The following PREX1 variants were observed in gnomAD, a reference collection of about 807,000 sequenced individuals.
PREX1 encodes the protein phosphatidylinositol-3,4,5-trisphosphate dependent Rac exchange factor 1.
In PREX1, 41 loss-of-function variants were observed where a neutral mutation model predicts 198.3. The ratio of observed to expected loss-of-function variants is 0.21; its 90% CI spans 0.16 to 0.27. The LOEUF is 0.27. PREX1 is among the 10% of genes least tolerant of loss of function. The probability of loss-of-function intolerance (pLI) is 1.00; values close to 1 mark genes in which losing one functional copy is unlikely to be tolerated. For synonymous variants in PREX1, 843 were observed against 887.2 expected, an observed-to-expected ratio of 0.95 and a Z score of 0.89; for missense variants, 1,620 against 2,200.7, an observed-to-expected ratio of 0.74 and a Z score of 5.28.
intron 13 of PREX1, among the ~76,000 whole-genome samples, chr20:48,678,340 G>A (rs1244457961): frequency 6.6e-6 from 1 of 151,950 alleles, no homozygotes; most frequent in Non-Finnish European, 1.5e-5. Context: ...GCATGGTGGT[G>A]CACGCCTGTA....
rs568388541 is a variant in PREX1, at chr20:48,813,330, T to C, written c.219+14312A>G. Among the ~76,000 whole-genome samples the C allele has an allele frequency of 4.9e-3, 746 of 152,236 alleles. 7 individuals carry two copies. Among genetic ancestry groups the C allele is most frequent in the African/African-American group, 0.017 (716 of 41,542 alleles). On this transcript the variant is annotated intron_variant, in intron 1 of 39. Coordinates refer to ENST00000371941, the MANE Select transcript of PREX1 (RefSeq NM_020820.4). Reference sequence around the variant, plus strand: ...AGCATGAGCACATCTCAGTGGAGACTCTCTACTGAGGACAATCAAAATCAC... The same window carrying C: ...AGCATGAGCACATCTCAGTGGAGACCCTCTACTGAGGACAATCAAAATCAC...
chr20:48,836,096 C>T, the PREX1 span, among the ~76,000 whole-genome samples: 26 of 152,142 alleles, frequency 1.7e-4, no homozygotes, highest in Non-Finnish European at 3.1e-4. Flanking sequence ...GCATTAACCA[C>T]GATGGGAAAG....
chr20:48,725,996 G>C (rs2090008183), intron 5 of PREX1, among the ~76,000 whole-genome samples: 2 of 152,154 alleles, frequency 1.3e-5, no homozygotes, highest in African/African-American at 4.8e-5. Context: ...AAGACAGAAT[G>C]AATCTCAGGA....
Position 48,827,931 on chromosome 20 carries a change from T to G in PREX1, c.-71A>C. 5 of 600,588 alleles carry G rather than the reference T, an allele frequency of 8.3e-6. No homozygotes were observed. The highest frequency in any genetic ancestry group is 2.1e-5 in the African/African-American group (1 of 48,164). 37.2% of individuals were successfully genotyped at this position (600,588 alleles called of 1,614,324 possible). A position where few individuals can be genotyped will look rare whatever the true frequency, so the allele number is the denominator to read the frequency against. ...GCAACTCAGGCGTCCAGGCGCCCCA[T>G]CCCGGACGGGGCGCGCCGGCGGGCC... On this transcript the variant is annotated 5_prime_UTR_variant, in exon 1 of 40. It removes an upstream start codon present in the reference 5' UTR. Transcript: ENST00000371941. This position sits in a 1 kb window ranked among gnomAD's most constrained non-coding sequence, Gnocchi z 4.1.
At chr20:48,663,607 C>T (rs2089612768) in intron 15 of PREX1, among the ~76,000 whole-genome samples, 1 of 152,246 alleles carries the variant, frequency 6.6e-6, no homozygotes, top group South Asian at 2.1e-4. Context: ...TGTTTACATA[C>T]TCTCTATAGC....
At chr20:48,698,494 G>A (rs945699044) in intron 7 of PREX1, among the ~76,000 whole-genome samples, 2 of 152,168 alleles carry the variant, frequency 1.3e-5, no homozygotes, top group Non-Finnish European at 2.9e-5. Context: ...GGACTCTGAG[G>A]ACAGCCCCAG....
intron 6 of PREX1, among the ~76,000 whole-genome samples, chr20:48,703,701 A>T (rs563415860): frequency 1.3e-5 from 2 of 152,218 alleles, no homozygotes; most frequent in African/African-American, 4.8e-5. Flanking sequence ...CCTGCTGCCA[A>T]GTCCGTCTCG....
intron 16 of PREX1, 45 bp downstream of exon 16, chr20:48,659,874 G>A: frequency 2.5e-6 from 4 of 1,611,720 alleles, no homozygotes; most frequent in Non-Finnish European, 3.4e-6. Flanking sequence ...CATGCCTGCA[G>A]GGGGCTCTGG....
Position 48,632,477 on chromosome 20 carries a change from C to T in PREX1, c.4411+19G>A, listed in dbSNP as rs1456220134. The T allele has an allele frequency of 3.7e-6, 6 of 1,613,836 alleles. No individual in the cohort carries two copies. The highest frequency in any genetic ancestry group is 5.1e-6 in the Non-Finnish European group (6 of 1,179,974). ...GGCCCGGCCCCCGTGGTCCTCCCTGCCCCAGGCCTGAAGCTCACCTTTCGT... is the reference window on the plus strand; with the variant it reads ...GGCCCGGCCCCCGTGGTCCTCCCTGTCCCAGGCCTGAAGCTCACCTTTCGT... On this transcript the variant is annotated intron_variant, in intron 34 of 39. Transcript: ENST00000371941.
chr20:48,664,927 C>CGGCCCAGACGGCCTGAATTCTAATCCT (rs1568812261), intron 15 of PREX1, among the ~76,000 whole-genome samples: 3 of 120,320 alleles, frequency 2.5e-5, no homozygotes, highest in Non-Finnish European at 3.8e-5. Context: ...ATTCTAATCC[C>CGGCCCAGACGGCCTGAATTCTAATCCT]GACTCCAGAC....
At chr20:48,734,796 C>T (rs946814115) in intron 3 of PREX1, 146 bp from the exon 4 acceptor site, 117 of 623,914 alleles carry the variant, frequency 1.9e-4, no homozygotes, top group Middle Eastern at 9.7e-4. Flanking sequence ...TCAGGTAAAG[C>T]GGCTCCACTC....
At chr20:48,687,434 C>A (rs2089791768) in intron 10 of PREX1, among the ~76,000 whole-genome samples, 2 of 152,182 alleles carry the variant, frequency 1.3e-5, no homozygotes, top group African/African-American at 4.8e-5. Context: ...ATGCTGTTGC[C>A]TTTCAAGTTA....
At chr20:48,707,106 A>G (rs1340734024) in intron 6 of PREX1, among the ~76,000 whole-genome samples, 1 of 152,238 alleles carries the variant, frequency 6.6e-6, no homozygotes, top group East Asian at 1.9e-4. Flanking sequence ...ACGCACAGGA[A>G]GCTGGCGCCC....
Position 48,681,259 on chromosome 20 carries a change from A to C in PREX1, c.1411T>G (p.Leu471Val). The C allele has an allele frequency of 6.2e-7, 1 of 1,614,146 alleles. No homozygotes were observed. The highest frequency in any genetic ancestry group is 8.5e-7 in the Non-Finnish European group (1 of 1,180,020). The part of the protein sequence containing the change: ...EEGVNLGQAL[L>V]ENGIIHHVSD... ...CCATGGTGGATGATGCCATTCTCCA[A>C]CAGGGCTTGGCCCAAGTTGACTCCT... is the stretch of plus-strand genomic sequence containing the variant. The change falls in exon 11 of 40, where the codon TTG (leucine) becomes GTG (valine). Residue 471 changes from leucine to valine, a missense_variant. This residue lies in a region of PREX1 where 488 missense variants were observed against 802.5 expected (regional missense o/e 0.61). Transcript: ENST00000371941.
intron 1 of PREX1, among the ~76,000 whole-genome samples, chr20:48,766,934 C>A (rs562315701): frequency 6.6e-6 from 1 of 152,162 alleles, no homozygotes; most frequent in African/African-American, 2.4e-5. Context: ...ATGAGGACTA[C>A]GAGAAATGCT....
intron 39 of PREX1, 35 bp from the exon 40 acceptor site, chr20:48,625,962 G>A (rs778305904): frequency 2.0e-5 from 30 of 1,518,882 alleles, no homozygotes; most frequent in Admixed American, 4.7e-5. Flanking sequence ...AGGAGAGGCC[G>A]GGGCGGGCCA....
intron 3 of PREX1, among the ~76,000 whole-genome samples, chr20:48,736,143 ACACAATACTT>A (rs528843945): frequency 7.5e-4 from 114 of 152,336 alleles, no homozygotes; most frequent in African/African-American, 2.4e-3. Context: ...GGTGTCTGGC[ACACAATACTT>A]CACAATACTT....
the PREX1 span, among the ~76,000 whole-genome samples, chr20:48,863,385 C>A: frequency 6.6e-6 from 1 of 152,084 alleles, no homozygotes; most frequent in Non-Finnish European, 1.5e-5. Flanking sequence ...CCACCATTAC[C>A]TTATTAGGTA....
At chr20:48,670,199 G>T (rs1265231984) in intron 14 of PREX1, among the ~76,000 whole-genome samples, 1 of 152,110 alleles carries the variant, frequency 6.6e-6, no homozygotes, top group Non-Finnish European at 1.5e-5. Context: ...GTTGCCTAGG[G>T]TTGCAGCCAA....
Sources: gnomAD v4.1 joint callset for allele counts (sites outside exome capture counted in the v4.1 genomes callset) on GRCh38, gnomAD v4.1.1 for gene constraint, gnomAD v4.1.1 regional missense constraint, Gnocchi (gnomAD v3.1) non-coding constraint, MANE v1.5 for transcripts, NCBI Gene and HGNC (gene_info 2026-07-23, HGNC 2026-07-21) for gene names.